CRIPT: variants seen among roughly 807,000 people sequenced by gnomAD.
The protein encoded by CRIPT is cysteine-rich PDZ-binding protein.
Under a neutral mutation model 16.6 loss-of-function variants are expected in CRIPT, and 20 were observed. The ratio of observed to expected loss-of-function variants is 1.20; its 90% confidence interval spans 0.85 to 1.75. The LOEUF is 1.75. CRIPT is among the 40% of genes most tolerant of loss of function. CRIPT has a pLI of 0.00. For missense variants in CRIPT, 133 were observed against 115.3 expected, an observed-to-expected ratio of 1.15 and a Z score of -0.70; for synonymous variants, 42 against 37.0, an observed-to-expected ratio of 1.14 and a Z score of -0.49.
Position 46,623,826 on chromosome 2 carries a change from A to C in CRIPT, c.200A>C (p.Gln67Pro). The C allele has an allele frequency of 2.5e-6, 4 of 1,611,138 alleles. No individual in the cohort carries two copies. Among genetic ancestry groups the C allele is most frequent in the Non-Finnish European group, 3.4e-6 (4 of 1,178,324 alleles). Reference protein sequence around the residue: ...TCRICKSSVHQPGSHYCQGCA... With the variant: ...TCRICKSSVHPPGSHYCQGCA... ...AGAATTTGTAAAAGTTCTGTGCACCAACCAGGTTCTCATTACTGCCAGGGC... is the reference window on the plus strand; with the variant it reads ...AGAATTTGTAAAAGTTCTGTGCACCCACCAGGTTCTCATTACTGCCAGGGC... The change falls in exon 4 of 5, where the codon CAA (glutamine) becomes CCA (proline). Residue 67 changes from glutamine to proline, a missense_variant. Coordinates refer to ENST00000238892, the MANE Select transcript of CRIPT (RefSeq NM_014171.6).
In CRIPT at chr2:46,623,760, C is replaced by T; in HGVS notation, c.138-4C>T. On this transcript the variant is annotated splice_polypyrimidine_tract_variant and splice_region_variant and intron_variant, in intron 3 of 4. Coordinates refer to ENST00000238892, the MANE Select transcript of CRIPT (RefSeq NM_014171.6). ...AATTTTCTCTCTTTAAAAAAAATTTCTAGATTTGATCCATATGGAAAGAAT... is the reference window on the plus strand; with the variant it reads ...AATTTTCTCTCTTTAAAAAAAATTTTTAGATTTGATCCATATGGAAAGAAT... The T allele has an allele frequency of 6.4e-7, 1 of 1,573,302 alleles. No individual in the cohort carries two copies. The highest frequency in any genetic ancestry group is 8.7e-7 in the Non-Finnish European group (1 of 1,150,954).
rs1558717023 is a variant in CRIPT, at chr2:46,618,981, TG to T, written c.82+144del. 6.0e-5 allele frequency: 32 copies of T among 529,012 alleles called. No individual in the cohort carries two copies. In the African/African-American group the frequency reaches 6.1e-4, roughly 10 times the overall value. 32.8% of individuals were successfully genotyped at this position (529,012 alleles called of 1,614,324 possible). A position where few individuals can be genotyped will look rare whatever the true frequency, so the allele number is the denominator to read the frequency against. On this transcript the variant is annotated intron_variant, in intron 2 of 4. Transcript: ENST00000238892. ...CATTAAAGAATACTGGGTCCTCAAG[TG>T]ATTTAATATCTTCTATTTAGTTCTC...
intron 3 of CRIPT, among the ~76,000 whole-genome samples, chr2:46,622,574 G>T (rs1254026720): frequency 6.6e-6 from 1 of 152,098 alleles, no homozygotes; most frequent in Non-Finnish European, 1.5e-5. Flanking sequence ...AGCACTTTGG[G>T]AGGCCAACGC....
intron 4 of CRIPT, 120 bp from the exon 5 acceptor site, chr2:46,624,043 T>TA (rs1558719290): frequency 1.2e-3 from 384 of 329,974 alleles, no homozygotes; most frequent in African/African-American, 7.9e-3. Flanking sequence ...ATATATATAT[T>TA]TTTTTTTTCT....
rs905611179 is a variant in CRIPT at position 46,627,361 on chromosome 2, C to A, written c.*3134C>A. On this transcript the variant is annotated 3_prime_UTR_variant, in exon 5 of 5. Coordinates refer to ENST00000238892, the MANE Select transcript of CRIPT (RefSeq NM_014171.6). ...GCTTTTGAGGACTTAGCCGTAAGTTCTTTCCCATAGCTGATGTCCAGATGT... is the reference window on the plus strand; with the variant it reads ...GCTTTTGAGGACTTAGCCGTAAGTTATTTCCCATAGCTGATGTCCAGATGT... 4.0e-5 allele frequency among the ~76,000 whole-genome samples: 6 copies of A among 151,600 alleles called. No individual in the cohort carries two copies. Among genetic ancestry groups the A allele is most frequent in the African/African-American group, 1.5e-4 (6 of 41,294 alleles).
At chr2:46,620,540 T>G (rs1448652568) in intron 3 of CRIPT, among the ~76,000 whole-genome samples, 1 of 151,966 alleles carries the variant, frequency 6.6e-6, no homozygotes, top group Non-Finnish European at 1.5e-5. Flanking sequence ...CCTAGACACT[T>G]TTTCAGTGTC....
intron 3 of CRIPT, among the ~76,000 whole-genome samples, chr2:46,621,041 C>G (rs1228150722): frequency 6.6e-6 from 1 of 152,106 alleles, no homozygotes; most frequent in East Asian, 1.9e-4. Flanking sequence ...TGCTATTACC[C>G]TTTTCCAAAC....
rs1402326629 is a variant in CRIPT at position 46,625,541 on chromosome 2, A to G, written c.*1314A>G. ...CCAACTGCAGTATGTATAAATACAT[A>G]TCACTACAAAATGTATAGAAAGTGT... is the stretch of plus-strand genomic sequence containing the variant. On this transcript the variant is annotated 3_prime_UTR_variant, in exon 5 of 5. Transcript: ENST00000238892. 1.3e-5 allele frequency: 2 copies of G among 152,106 alleles called. No individual in the cohort carries two copies. The highest frequency in any genetic ancestry group is 4.8e-5 in the African/African-American group (2 of 41,414). The allele number at this position is 152,106 out of a possible 1,614,324, so 9.4% of individuals were successfully genotyped here.
At chr2:46,617,438 G>A in intron 1 of CRIPT, 140 bp downstream of exon 1, 1 of 953,760 alleles carries the variant, frequency 1.0e-6, no homozygotes, top group East Asian at 2.6e-5. Flanking sequence ...CCTACCCTTT[G>A]ACCATTTTTG....
chr2:46,628,299 A>T lies in CRIPT; in HGVS notation c.*4072A>T, dbSNP rs1670991494. Among the ~76,000 whole-genome samples the T allele has an allele frequency of 6.6e-6, 1 of 151,670 alleles. No homozygotes were observed. Among genetic ancestry groups the T allele is most frequent in the South Asian group, 2.1e-4 (1 of 4,806 alleles). ...GCTAATTTATGTAATTTTAGTAGAG[A>T]TGGGGTTTCATCATCTTAGCCAGGC... On this transcript the variant is annotated 3_prime_UTR_variant, in exon 5 of 5. Coordinates refer to ENST00000238892, the MANE Select transcript of CRIPT (RefSeq NM_014171.6).
In CRIPT at chr2:46,627,461, A is replaced by G. The variant is rs1318332426; in HGVS notation, c.*3234A>G. Among the ~76,000 whole-genome samples the G allele has an allele frequency of 2.0e-5, 3 of 149,388 alleles. No individual in the cohort carries two copies. Among genetic ancestry groups the G allele is most frequent in the African/African-American group, 7.4e-5 (3 of 40,596 alleles). ...TAAATCTTTTTTTTTTTTTTTCCCC[A>G]AAGACAGAGTCTCCTTCTGTTGCCC... On this transcript the variant is annotated 3_prime_UTR_variant, in exon 5 of 5. Coordinates refer to ENST00000238892, the MANE Select transcript of CRIPT (RefSeq NM_014171.6).
Position 46,627,411 on chromosome 2 carries a change from C to T in CRIPT, c.*3184C>T, listed in dbSNP as rs1352078016. ...TTATTTCGTAGGTTTTCTTCTAGGA[C>T]TCTTATAGCTTGAAGTCTTACATTT... On this transcript the variant is annotated 3_prime_UTR_variant, in exon 5 of 5. Coordinates refer to ENST00000238892, the MANE Select transcript of CRIPT (RefSeq NM_014171.6). Among the ~76,000 whole-genome samples the T allele has an allele frequency of 1.3e-5, 2 of 151,064 alleles. No homozygotes were observed. The highest frequency in any genetic ancestry group is 3.0e-5 in the Non-Finnish European group (2 of 67,768).
intron 3 of CRIPT, among the ~76,000 whole-genome samples, chr2:46,621,865 G>T (rs1670812694): frequency 6.6e-6 from 1 of 152,096 alleles, no homozygotes; most frequent in African/African-American, 2.4e-5. Context: ...TGTTTTTATT[G>T]ACTGAGCTAT....
At position 46,618,758 on chromosome 2, in the gene CRIPT, A is replaced by G. The variant is rs751236888; in HGVS notation, c.17-15A>G. 1.3e-5 allele frequency: 21 copies of G among 1,564,612 alleles called. No homozygotes were observed. The South Asian group carries it at 1.4e-4, about 10-fold the overall frequency. On this transcript the variant is annotated splice_polypyrimidine_tract_variant and intron_variant, in intron 1 of 4. Transcript: ENST00000238892. ...AATAAAGTTTAATTTTCCTTTTACT[A>G]TCTTGTTCTAACAGGTGAAAAGAAA... is the stretch of plus-strand genomic sequence containing the variant.
At position 46,618,763 on chromosome 2, in the gene CRIPT, G is replaced by T. The variant is rs2104165636; in HGVS notation, c.17-10G>T. ...AGTTTAATTTTCCTTTTACTATCTT[G>T]TTCTAACAGGTGAAAAGAAACTTGG... On this transcript the variant is annotated splice_polypyrimidine_tract_variant and intron_variant, in intron 1 of 4. Coordinates refer to ENST00000238892, the MANE Select transcript of CRIPT (RefSeq NM_014171.6). 2 of 1,580,234 alleles carry T rather than the reference G, an allele frequency of 1.3e-6. No homozygotes were observed. Among genetic ancestry groups the T allele is most frequent in the South Asian group, 2.3e-5 (2 of 88,774 alleles).
At position 46,630,124 on chromosome 2, in the gene CRIPT, A is replaced by G. The variant is rs1671034407; in HGVS notation, c.*5897A>G. 6.6e-6 allele frequency among the ~76,000 whole-genome samples: 1 copy of G among 152,118 alleles called. No individual in the cohort carries two copies. The highest frequency in any genetic ancestry group is 1.5e-5 in the Non-Finnish European group (1 of 68,026). On this transcript the variant is annotated 3_prime_UTR_variant, in exon 5 of 5. Transcript: ENST00000238892. ...CCAAAGAACAAGGGTGTTTTCCTGC[A>G]TAGCCATAGCACAATTACCAAAATC...
At chr2:46,618,236 T>C (rs190730127) in intron 1 of CRIPT, among the ~76,000 whole-genome samples, 2 of 152,006 alleles carry the variant, frequency 1.3e-5, no homozygotes, top group East Asian at 3.9e-4. Context: ...TGGTTCTTTT[T>C]GGGGGGAAGG....
intron 3 of CRIPT, among the ~76,000 whole-genome samples, chr2:46,623,119 G>C (rs1670850695): frequency 6.6e-6 from 1 of 152,082 alleles, no homozygotes; most frequent in African/African-American, 2.4e-5. Flanking sequence ...GCTAATGTAA[G>C]CAGTCATTAA....
At chr2:46,623,556 A>G (rs925934637) in intron 3 of CRIPT, among the ~76,000 whole-genome samples, 4 of 152,180 alleles carry the variant, frequency 2.6e-5, no homozygotes, top group Non-Finnish European at 5.9e-5. Flanking sequence ...CTGATTCTTT[A>G]TAAGTATATA....
Sources: gnomAD v4.1 joint callset for allele counts (sites outside exome capture counted in the v4.1 genomes callset) on GRCh38, gnomAD v4.1.1 for gene constraint, MANE v1.5 for transcripts, NCBI Gene and HGNC (gene_info 2026-07-23, HGNC 2026-07-21) for gene names.